The following ADAM22 variants were observed in gnomAD, a reference collection of about 807,000 sequenced individuals.
ADAM22 encodes the protein disintegrin and metalloproteinase domain-containing protein 22.
Under a neutral mutation model 144.6 loss-of-function variants are expected in ADAM22, and 65 were observed. That is an observed-to-expected ratio of 0.45 (90% CI 0.37 to 0.55). ADAM22 has a LOEUF of 0.55. Ranked by LOEUF, ADAM22 falls within the 20% of genes least tolerant of loss-of-function variation. The pLI is 0.00. For synonymous variants in ADAM22, 391 were observed against 412.6 expected (o/e 0.95, Z 0.63); for missense variants, 974 against 1,184.9 (o/e 0.82, Z 2.61).
At chr7:88,186,270 A>G (rs1848296760) in intron 29 of ADAM22, 2 of 237,746 alleles carry the variant, frequency 8.4e-6, no homozygotes, top group South Asian at 1.5e-4. Flanking sequence ...AAAGAGCCAA[A>G]TGAGAGGTGG....
intron 4 of ADAM22, among the ~76,000 whole-genome samples, chr7:88,080,563 T>G (rs537350758): frequency 2.8e-4 from 42 of 151,988 alleles, no homozygotes; most frequent in Non-Finnish European, 4.7e-4. Flanking sequence ...CAGGAGCTGG[T>G]TTTTTTTAAA....
At chr7:88,082,381 A>G (rs983959470) in intron 4 of ADAM22, among the ~76,000 whole-genome samples, 2 of 152,126 alleles carry the variant, frequency 1.3e-5, no homozygotes, top group Non-Finnish European at 2.9e-5. Flanking sequence ...AACCATAAAA[A>G]CCCTAGAAGA....
intron 2 of ADAM22, among the ~76,000 whole-genome samples, chr7:87,958,337 A>G (rs1405358451): frequency 6.6e-6 from 1 of 151,666 alleles, no homozygotes; most frequent in South Asian, 2.1e-4. Context: ...TCTCCTTTTC[A>G]TCATTATCTG....
At chr7:88,150,145 G>A (rs902822649) in intron 18 of ADAM22, among the ~76,000 whole-genome samples, 3 of 152,136 alleles carry the variant, frequency 2.0e-5, no homozygotes, top group African/African-American at 7.2e-5. Flanking sequence ...AGTTCCTCTG[G>A]TTGCATGTCT....
At chr7:88,105,822 T>C (rs1026148336) in intron 4 of ADAM22, among the ~76,000 whole-genome samples, 1 of 152,178 alleles carries the variant, frequency 6.6e-6, no homozygotes, top group Non-Finnish European at 1.5e-5. Flanking sequence ...TATGAAGATT[T>C]AGTGTGATTG....
intron 1 of ADAM22, 107 bp downstream of exon 1, chr7:87,934,657 G>T: frequency 9.8e-7 from 1 of 1,019,434 alleles, no homozygotes; most frequent in Non-Finnish European, 1.4e-6. Flanking sequence ...AGTGCGCGGG[G>T]AGATTTTTTT....
At chr7:88,189,915 G>GC (rs1476993165) in intron 30 of ADAM22, among the ~76,000 whole-genome samples, 1 of 152,016 alleles carries the variant, frequency 6.6e-6, no homozygotes, top group Non-Finnish European at 1.5e-5. Context: ...CTGTACTCCA[G>GC]CCTGGCGACA....
At chr7:88,122,739 G>C (rs1829602693) in intron 7 of ADAM22, among the ~76,000 whole-genome samples, 1 of 152,168 alleles carries the variant, frequency 6.6e-6, no homozygotes, top group Non-Finnish European at 1.5e-5. Flanking sequence ...CCTTACAAAA[G>C]AGGGAAAATT....
intron 3 of ADAM22, among the ~76,000 whole-genome samples, chr7:87,993,966 C>T (rs1341869195): frequency 6.6e-6 from 1 of 151,958 alleles, no homozygotes. Flanking sequence ...CATATTCAAG[C>T]AACAATCATT....
rs1850946874 is a variant in ADAM22 at position 88,199,003 on chromosome 7, G to A, written c.*2512G>A. ...TGTTTAAACATTCTTAGAGCCATTT[G>A]TGGGATTCATTGACAAATTTATAGT... On this transcript the variant is annotated 3_prime_UTR_variant, in exon 32 of 32. Transcript: ENST00000413139. 6.6e-6 allele frequency: 1 copy of A among 152,150 alleles called. No individual in the cohort carries two copies. Among genetic ancestry groups the A allele is most frequent in the Admixed American group, 6.5e-5 (1 of 15,268 alleles). The allele number at this position is 152,150 out of a possible 1,614,324, so 9.4% of individuals were successfully genotyped here.
At chr7:87,998,492 GTGATTC>G (rs1456001485) in intron 3 of ADAM22, among the ~76,000 whole-genome samples, 1 of 152,128 alleles carries the variant, frequency 6.6e-6, no homozygotes, top group East Asian at 1.9e-4. Context: ...CCAGGTGCAG[GTGATTC>G]TCCTGCCTCA....
chr7:88,109,014 G>A (rs1014884734), intron 5 of ADAM22, among the ~76,000 whole-genome samples: 4 of 152,094 alleles, frequency 2.6e-5, no homozygotes, highest in African/African-American at 9.7e-5. Context: ...TTAGCCCCTT[G>A]ATATTCTTCC....
At chr7:88,038,451 C>CTT (rs11344988) in intron 3 of ADAM22, among the ~76,000 whole-genome samples, 3 of 139,632 alleles carry the variant, frequency 2.1e-5, no homozygotes, top group African/African-American at 5.2e-5. Flanking sequence ...CTCTGCTATT[C>CTT]TTTTTTTTTT....
At chr7:88,081,557 G>C (rs1357984605) in intron 4 of ADAM22, among the ~76,000 whole-genome samples, 4 of 151,546 alleles carry the variant, frequency 2.6e-5, no homozygotes, top group South Asian at 2.1e-4. Context: ...AATTGTCCCT[G>C]TTTGCAGATG....
At chr7:88,005,697 TG>T (rs1320680411) in intron 3 of ADAM22, among the ~76,000 whole-genome samples, 1 of 152,160 alleles carries the variant, frequency 6.6e-6, no homozygotes, top group Non-Finnish European at 1.5e-5. Flanking sequence ...AGGCTTAACT[TG>T]GAATTTTACT....
chr7:88,158,916 A>T (rs189167489), intron 22 of ADAM22, among the ~76,000 whole-genome samples: 31 of 152,244 alleles, frequency 2.0e-4, no homozygotes, highest in African/African-American at 7.5e-4. Flanking sequence ...ATCAGAGCTG[A>T]CCTGAAAGAG....
At chr7:88,146,912 T>C (rs1318396936) in intron 17 of ADAM22, among the ~76,000 whole-genome samples, 2 of 152,178 alleles carry the variant, frequency 1.3e-5, no homozygotes, top group African/African-American at 2.4e-5. Flanking sequence ...TTAAACCAAA[T>C]GTGAAAGACA....
chr7:87,947,005 A>G lies in ADAM22; in HGVS notation c.246+11819A>G, dbSNP rs1311613852. 2.6e-5 allele frequency among the ~76,000 whole-genome samples: 4 copies of G among 152,142 alleles called. No homozygotes were observed. In the East Asian group the frequency reaches 7.7e-4, roughly 29 times the overall value. ...CATATAAGTGGGAGCTAAACATTGG[A>G]TACTCATGGACATCAAAATGGCAAT... On this transcript the variant is annotated intron_variant, in intron 2 of 31. Transcript: ENST00000413139.
chr7:88,016,562 A>G (rs564286523), intron 3 of ADAM22, among the ~76,000 whole-genome samples: 2 of 152,300 alleles, frequency 1.3e-5, no homozygotes, highest in African/African-American at 2.4e-5. Context: ...GAAAATTTAT[A>G]CTTCCTAAAA....
Sources: gnomAD v4.1 joint callset for allele counts (sites outside exome capture counted in the v4.1 genomes callset) on GRCh38, gnomAD v4.1.1 for gene constraint, MANE v1.5 for transcripts, NCBI Gene and HGNC (gene_info 2026-07-23, HGNC 2026-07-21) for gene names.